MED12L: variants seen among roughly 807,000 people sequenced by gnomAD.
MED12L encodes the protein mediator complex subunit 12L, also known as mediator of RNA polymerase II transcription subunit 12-like protein.
A neutral mutation model predicts 281.3 loss-of-function variants in MED12L; 60 were observed. The ratio of observed to expected loss-of-function variants is 0.21; its 90% confidence interval spans 0.17 to 0.26. The LOEUF (loss-of-function observed/expected upper bound fraction) is 0.26, where lower values mean the gene tolerates loss of function less well. Among genes scored for constraint, MED12L ranks in the 10% least tolerant of loss-of-function variants. MED12L has a pLI of 1.00. For missense variants in MED12L, 2,146 were observed against 2,680.9 expected, an observed-to-expected ratio of 0.80 and a Z score of 4.41; for synonymous variants, 974 against 987.2, an observed-to-expected ratio of 0.99 and a Z score of 0.25.
chr3:151,340,946 C>A lies in MED12L; in HGVS notation c.2251-9113C>A, dbSNP rs533990136. Reference sequence around the variant, plus strand: ...CATCTTTTAAAAAGCAATTTAAAATCTTGCGGCTTTTTACTGAAACCTGCT... The same window carrying A: ...CATCTTTTAAAAAGCAATTTAAAATATTGCGGCTTTTTACTGAAACCTGCT... On this transcript the variant is annotated intron_variant, in intron 16 of 44. Coordinates refer to ENST00000687756, the MANE Select transcript of MED12L (RefSeq NM_001393769.1). 3.3e-5 allele frequency: 5 copies of A among 152,198 alleles called. No individual in the cohort carries two copies. The South Asian group carries it at 1.0e-3, about 32-fold the overall frequency. 9.4% of individuals were successfully genotyped at this position (152,198 alleles called of 1,614,324 possible).
At chr3:151,399,612 T>G (rs1715406944) in intron 39 of MED12L, among the ~76,000 whole-genome samples, 2 of 152,230 alleles carry the variant, frequency 1.3e-5, no homozygotes. Context: ...TCACTGTATT[T>G]TATTTTTCAC....
chr3:151,233,410 A>G (rs1732094133), intron 16 of MED12L, among the ~76,000 whole-genome samples: 1 of 152,236 alleles, frequency 6.6e-6, no homozygotes, highest in Non-Finnish European at 1.5e-5. Context: ...AAAAGACTAC[A>G]TGTAGTATAA....
At chr3:151,243,850 G>T (rs1364549857) in intron 16 of MED12L, among the ~76,000 whole-genome samples, 2 of 150,756 alleles carry the variant, frequency 1.3e-5, no homozygotes, top group East Asian at 3.9e-4. Flanking sequence ...AGACCCATCA[G>T]TGTGCTGTAT....
intron 5 of MED12L, among the ~76,000 whole-genome samples, chr3:151,141,177 T>G (rs958602014): frequency 9.5e-5 from 12 of 126,954 alleles, no homozygotes; most frequent in Non-Finnish European, 1.6e-4. Flanking sequence ...TTTTTTTTTT[T>G]GTTTTTTTTG....
chr3:151,263,963 G>A (rs181507110), intron 16 of MED12L, among the ~76,000 whole-genome samples: 41 of 152,302 alleles, frequency 2.7e-4, no homozygotes, highest in Middle Eastern at 3.4e-3. Flanking sequence ...ATGGACAGAG[G>A]CTGAGATCTC....
At chr3:151,266,267 A>G (rs529200759) in intron 16 of MED12L, among the ~76,000 whole-genome samples, 18 of 152,322 alleles carry the variant, frequency 1.2e-4, no homozygotes, top group South Asian at 4.1e-4. Context: ...AACATCTTCT[A>G]TTAAAATGAG....
intron 16 of MED12L, among the ~76,000 whole-genome samples, chr3:151,290,721 C>T (rs1744143636): frequency 6.6e-6 from 1 of 151,804 alleles, no homozygotes; most frequent in Admixed American, 6.6e-5. Flanking sequence ...CTGAACTAGG[C>T]AGCTGCAGGA....
At chr3:151,402,499 C>T (rs1174255944) in intron 39 of MED12L, among the ~76,000 whole-genome samples, 1 of 152,176 alleles carries the variant, frequency 6.6e-6, no homozygotes, top group Non-Finnish European at 1.5e-5. Flanking sequence ...AACATATGGC[C>T]TGCTGACTTG....
At chr3:151,405,339 G>C (rs916520175) in intron 39 of MED12L, among the ~76,000 whole-genome samples, 1 of 152,254 alleles carries the variant, frequency 6.6e-6, no homozygotes, top group African/African-American at 2.4e-5. Context: ...CCAGTTCTCT[G>C]TAGATCATTC....
chr3:151,368,636 TTTCATTTCATTTC>T (rs1755658654), intron 25 of MED12L, among the ~76,000 whole-genome samples: 5 of 63,070 alleles, frequency 7.9e-5, no homozygotes, highest in East Asian at 4.0e-4. Flanking sequence ...TTTTATTTCA[TTTCATTTCATTTC>T]ATTTCATTTC....
At chr3:151,127,742 T>G in intron 4 of MED12L, 83 bp from the exon 5 acceptor site, 1 of 989,766 alleles carries the variant, frequency 1.0e-6, no homozygotes, top group Non-Finnish European at 1.5e-6. Flanking sequence ...AGACTCTTTC[T>G]TTTGCTTCCC....
chr3:151,421,498 C>T (rs528682105), intron 43 of MED12L, among the ~76,000 whole-genome samples: 2 of 152,010 alleles, frequency 1.3e-5, no homozygotes, highest in African/African-American at 4.8e-5. Context: ...GCAACCTGCA[C>T]CTCCCGAGTT....
rs111469280 is a variant in MED12L at position 151,315,221 on chromosome 3, G to A, written c.2251-34838G>A. On this transcript the variant is annotated intron_variant, in intron 16 of 44. Coordinates refer to ENST00000687756, the MANE Select transcript of MED12L (RefSeq NM_001393769.1). The stretch of plus-strand genomic sequence containing the variant: ...ATTTTCTCAGAGTAAAGAGCTAAGC[G>A]TGAAATATTTTGTTGTTGTGGTTCT... Among the ~76,000 whole-genome samples, 1,221 of 152,230 alleles carry A rather than the reference G, an allele frequency of 8.0e-3. 10 individuals are homozygous for A. The highest frequency in any genetic ancestry group is 0.024 in the South Asian group (115 of 4,822).
chr3:151,377,449 A>C (rs1756980317), intron 30 of MED12L, among the ~76,000 whole-genome samples: 1 of 152,208 alleles, frequency 6.6e-6, no homozygotes, highest in Non-Finnish European at 1.5e-5. Flanking sequence ...TGTGTTACGT[A>C]GTATTCATTA....
rs529584737 is a variant in MED12L, at chr3:151,220,071, G to A, written c.2250+26405G>A. Reference sequence around the variant, plus strand: ...GCCAGATAATTATTTATTTTTGGGAGCTGTCCTATGCATTGTAAGATGTTT... The same window carrying A: ...GCCAGATAATTATTTATTTTTGGGAACTGTCCTATGCATTGTAAGATGTTT... On this transcript the variant is annotated intron_variant, in intron 16 of 44. Coordinates refer to ENST00000687756, the MANE Select transcript of MED12L (RefSeq NM_001393769.1). 1.3e-4 allele frequency among the ~76,000 whole-genome samples: 20 copies of A among 148,732 alleles called. No individual in the cohort carries two copies. In the East Asian group the frequency reaches 3.9e-3, roughly 29 times the overall value.
intron 16 of MED12L, among the ~76,000 whole-genome samples, chr3:151,205,198 G>A (rs994167742): frequency 1.3e-4 from 20 of 152,262 alleles, no homozygotes; most frequent in Non-Finnish European, 2.6e-4. Context: ...TTAGTGTTCC[G>A]GGAAGTTGCA....
At chr3:151,345,100 T>C (rs1231265516) in intron 16 of MED12L, among the ~76,000 whole-genome samples, 5 of 152,218 alleles carry the variant, frequency 3.3e-5, no homozygotes, top group Admixed American at 3.3e-4. Context: ...TCTTCATCTA[T>C]TAAGTTTCTG....
At chr3:151,374,272 G>C (rs1040685668) in intron 27 of MED12L, among the ~76,000 whole-genome samples, 1 of 152,236 alleles carries the variant, frequency 6.6e-6, no homozygotes, top group South Asian at 2.1e-4. Context: ...CTAGGCTAGG[G>C]CGCAGCGGCT....
intron 3 of MED12L, 28 bp downstream of exon 3, chr3:151,116,470 C>A: frequency 6.7e-7 from 1 of 1,488,312 alleles, no homozygotes; most frequent in Non-Finnish European, 9.3e-7. Context: ...TTTCCTCAAA[C>A]TCCTGAAAAA....
Sources: allele counts gnomAD v4.1 joint callset (sites outside exome capture counted in the v4.1 genomes callset), GRCh38; gene constraint gnomAD v4.1.1; transcripts MANE v1.5; gene names NCBI Gene and HGNC (gene_info 2026-07-23, HGNC 2026-07-21).